The following MECR variants were observed in gnomAD, a reference collection of about 807,000 sequenced individuals.
MECR encodes the protein mitochondrial trans-2-enoyl-CoA reductase.
In MECR, 37 loss-of-function variants were observed where a neutral mutation model predicts 49.1. That is an observed-to-expected ratio of 0.75 (90% CI 0.58 to 0.99). The LOEUF is 0.99. MECR is among the 50% of genes least tolerant of loss of function. The pLI, the probability that MECR is intolerant of heterozygous loss-of-function variation, is 0.00. For missense variants in MECR, 470 were observed against 479.6 expected, an observed-to-expected ratio of 0.98 and a Z score of 0.19; for synonymous variants, 198 against 191.1, an observed-to-expected ratio of 1.04 and a Z score of -0.30.
chr1:29,171,669 C>T, the MECR span: 1 of 152,048 alleles, frequency 6.6e-6, no homozygotes, highest in Non-Finnish European at 1.5e-5. Flanking sequence ...CTCTCAGATG[C>T]CTGGAGCACC....
At chr1:29,167,942 G>A in the MECR span, among the ~76,000 whole-genome samples, 5 of 151,544 alleles carry the variant, frequency 3.3e-5, no homozygotes, top group African/African-American at 1.2e-4. Flanking sequence ...GCTCATGAGT[G>A]AAGGAGCTAG....
At chr1:29,212,196 A>C (rs534248029) in intron 3 of MECR, among the ~76,000 whole-genome samples, 19 of 152,358 alleles carry the variant, frequency 1.2e-4, no homozygotes, top group Non-Finnish European at 1.6e-4. Context: ...AGGCGGGCAG[A>C]TCACCTGAGG....
intron 3 of MECR, among the ~76,000 whole-genome samples, chr1:29,212,118 T>C (rs1429485371): frequency 6.6e-6 from 1 of 152,202 alleles, no homozygotes; most frequent in Non-Finnish European, 1.5e-5. Flanking sequence ...GGCACCTTGC[T>C]TAAAAGACTC....
At chr1:29,195,018 A>G (rs1673620295) in intron 9 of MECR, among the ~76,000 whole-genome samples, 1 of 152,138 alleles carries the variant, frequency 6.6e-6, no homozygotes, top group African/African-American at 2.4e-5. Flanking sequence ...TGGGAGGCTG[A>G]GGTGGGAGGA....
rs1440821312 is a variant in MECR, at chr1:29,193,864, C to T, written c.*158G>A. 3.6e-6 allele frequency: 3 copies of T among 829,820 alleles called. No homozygotes were observed. The highest frequency in any genetic ancestry group is 2.7e-5 in the Admixed American group (1 of 36,964). 51.4% of individuals were successfully genotyped at this position (829,820 alleles called of 1,614,324 possible). On this transcript the variant is annotated 3_prime_UTR_variant, in exon 10 of 10. Coordinates refer to ENST00000263702, the MANE Select transcript of MECR (RefSeq NM_016011.5). ...CTTTATTAGATACCTTAAGGCTGGC[C>T]CTGGGGAAAACCGTGGCTGGCTTCA...
At chr1:29,169,776 A>G in the MECR span, 1 of 152,306 alleles carries the variant, frequency 6.6e-6, no homozygotes, top group East Asian at 1.9e-4. Context: ...TCTCTAACAG[A>G]ATATATATTC....
At position 29,198,118 on chromosome 1, in the gene MECR, A is replaced by G. The variant is rs561733409; in HGVS notation, c.831-1860T>C. On this transcript the variant is annotated intron_variant, in intron 7 of 9. Coordinates refer to ENST00000263702, the MANE Select transcript of MECR (RefSeq NM_016011.5). ...AGATCCCTTCCCTGCGTGCTTCACA[A>G]TAGGGTTCACATGCCCATGAGAATC... Among the ~76,000 whole-genome samples, 21 of 152,224 alleles carry G rather than the reference A, an allele frequency of 1.4e-4. No individual in the cohort carries two copies. The South Asian group carries it at 4.1e-3, about 30-fold the overall frequency.
the MECR span, among the ~76,000 whole-genome samples, chr1:29,177,893 ATTTTTTTTTTTT>A: frequency 1.1e-5 from 1 of 93,636 alleles, no homozygotes; most frequent in Non-Finnish European, 2.0e-5. Context: ...ATTACACAAG[ATTTTTTTTTTTT>A]TTTTTTTTTT....
chr1:29,210,358 A>G (rs886947100), intron 3 of MECR, among the ~76,000 whole-genome samples: 4 of 152,132 alleles, frequency 2.6e-5, no homozygotes, highest in African/African-American at 9.7e-5. Flanking sequence ...GAGTAGGTCT[A>G]TGGCTGAGAA....
intron 1 of MECR, among the ~76,000 whole-genome samples, chr1:29,221,607 G>C (rs1680785259): frequency 6.6e-6 from 1 of 152,164 alleles, no homozygotes; most frequent in Non-Finnish European, 1.5e-5. Context: ...TGGCGGGAGG[G>C]AAGAGAAGTC....
At chr1:29,219,401 T>G (rs1211189155) in intron 1 of MECR, among the ~76,000 whole-genome samples, 1 of 152,206 alleles carries the variant, frequency 6.6e-6, no homozygotes, top group African/African-American at 2.4e-5. Flanking sequence ...CCAGAATGTT[T>G]TCTTCCACAG....
At chr1:29,182,325 G>A in the MECR span, among the ~76,000 whole-genome samples, 12 of 152,210 alleles carry the variant, frequency 7.9e-5, no homozygotes, top group Non-Finnish European at 1.2e-4. Flanking sequence ...CTGTAAAAGG[G>A]GGAGAGTAGT....
intron 1 of MECR, chr1:29,230,473 A>G (rs1683148760): frequency 6.2e-6 from 3 of 482,998 alleles, no homozygotes; most frequent in Non-Finnish European, 1.1e-5. Flanking sequence ...GAGAGCATCC[A>G]TTTAAACAAG....
chr1:29,175,492 G>A, the MECR span, among the ~76,000 whole-genome samples: 36 of 148,760 alleles, frequency 2.4e-4, no homozygotes, highest in Non-Finnish European at 3.9e-4. Context: ...TCAGGAGATC[G>A]AGACCATCCT....
chr1:29,177,247 A>G, the MECR span, among the ~76,000 whole-genome samples: 2 of 150,944 alleles, frequency 1.3e-5, no homozygotes, highest in Non-Finnish European at 2.9e-5. Flanking sequence ...TGCATCTAGG[A>G]TTCCTGCCCC....
chr1:29,170,044 A>G, the MECR span: 2 of 152,346 alleles, frequency 1.3e-5, no homozygotes, highest in South Asian at 2.1e-4. Flanking sequence ...CCCTGCAATC[A>G]TAACTGAACT....
intron 9 of MECR, 92 bp from the exon 10 acceptor site, chr1:29,194,271 C>T (rs1673432311): frequency 7.3e-7 from 1 of 1,373,688 alleles, no homozygotes; most frequent in Non-Finnish European, 9.9e-7. Flanking sequence ...GGAGCTGGCA[C>T]CAAGCTCCAA....
chr1:29,195,828 G>A, intron 9 of MECR, 113 bp downstream of exon 9: 2 of 1,029,816 alleles, frequency 1.9e-6, no homozygotes, highest in East Asian at 2.4e-5. Flanking sequence ...TGATCCTTCT[G>A]TGGGGCTGGG....
At chr1:29,206,694 G>C in intron 4 of MECR, 68 bp downstream of exon 4, 2 of 1,560,850 alleles carry the variant, frequency 1.3e-6, no homozygotes, top group South Asian at 1.2e-5. Flanking sequence ...CCTGGCCTTG[G>C]GGTCAGGATG....
Sources: gnomAD v4.1 joint callset for allele counts (sites outside exome capture counted in the v4.1 genomes callset) on GRCh38, gnomAD v4.1.1 for gene constraint, MANE v1.5 for transcripts, NCBI Gene and HGNC (gene_info 2026-07-23, HGNC 2026-07-21) for gene names.